BAZ2B: variants seen among roughly 807,000 people sequenced by gnomAD.
BAZ2B encodes bromodomain adjacent to zinc finger domain protein 2B.
Under a neutral mutation model 246.0 loss-of-function variants are expected in BAZ2B, and 91 were observed. The ratio of observed to expected loss-of-function variants is 0.37; its 90% CI spans 0.31 to 0.44. The LOEUF (loss-of-function observed/expected upper bound fraction) is 0.44. Ranked by LOEUF, BAZ2B falls within the 20% of genes least tolerant of loss-of-function variation. BAZ2B has a pLI of 1.00. For synonymous variants in BAZ2B, 855 were observed against 860.0 expected (o/e 0.99, Z 0.10); for missense variants, 2,332 against 2,533.7 (o/e 0.92, Z 1.71).
At chr2:159,601,579 G>A (rs1963848) in intron 1 of BAZ2B, among the ~76,000 whole-genome samples, 54,866 of 151,948 alleles carry the variant, frequency 0.36, 10,094 homozygotes, top group South Asian at 0.46. Context: ...AAATTAGGCA[G>A]GTGTGATGGC....
At chr2:159,431,560 G>C (rs1234853049) in intron 9 of BAZ2B, among the ~76,000 whole-genome samples, 1 of 152,156 alleles carries the variant, frequency 6.6e-6, no homozygotes, top group Non-Finnish European at 1.5e-5. Flanking sequence ...GAAACTACCA[G>C]CATACTTCCA....
chr2:159,423,677 T>C (rs2069202839), intron 13 of BAZ2B, among the ~76,000 whole-genome samples: 1 of 152,246 alleles, frequency 6.6e-6, no homozygotes, highest in African/African-American at 2.4e-5. Context: ...CCAGGAATAC[T>C]ATGCAGCCAT....
intron 1 of BAZ2B, among the ~76,000 whole-genome samples, chr2:159,568,860 C>CA (rs1683256584): frequency 6.6e-6 from 1 of 152,150 alleles, no homozygotes; most frequent in African/African-American, 2.4e-5. Context: ...GAAAAGTTGT[C>CA]AAACTTATAT....
At chr2:159,673,790 G>C in the BAZ2B span, among the ~76,000 whole-genome samples, 4 of 151,780 alleles carry the variant, frequency 2.6e-5, no homozygotes, top group African/African-American at 9.7e-5. Flanking sequence ...TTTTCTGAAA[G>C]AAATAAGAAT....
intron 1 of BAZ2B, among the ~76,000 whole-genome samples, chr2:159,565,967 A>G (rs892556635): frequency 6.6e-6 from 1 of 152,134 alleles, no homozygotes; most frequent in Non-Finnish European, 1.5e-5. Flanking sequence ...AAACAATACT[A>G]TTTGGTAATA....
rs1228761321 is a variant in BAZ2B, at chr2:159,572,675, C to A, written c.-45-16810G>T. ...CTAGATTTTTGCTGTTCTTGCAATT[C>A]ATTTGTATTGAATTTTTCCATATAG... On this transcript the variant is annotated intron_variant, in intron 1 of 36. Transcript: ENST00000392783. 5.3e-5 allele frequency among the ~76,000 whole-genome samples: 8 copies of A among 152,118 alleles called. No individual in the cohort carries two copies. The East Asian group carries it at 1.5e-3, about 29-fold the overall frequency.
intron 16 of BAZ2B, among the ~76,000 whole-genome samples, chr2:159,401,312 T>C (rs956377225): frequency 5.3e-5 from 8 of 152,220 alleles, no homozygotes; most frequent in Non-Finnish European, 8.8e-5. Flanking sequence ...AAAAATCATG[T>C]ATCAGCAGTC....
intron 2 of BAZ2B, among the ~76,000 whole-genome samples, chr2:159,543,879 T>C (rs1050292491): frequency 2.0e-5 from 3 of 152,246 alleles, no homozygotes; most frequent in Non-Finnish European, 2.9e-5. Context: ...CACATTTCTT[T>C]GTCTTATATT....
At chr2:159,447,033 T>C in intron 5 of BAZ2B, 58 bp from the exon 6 acceptor site, 3 of 1,269,252 alleles carry the variant, frequency 2.4e-6, no homozygotes, top group Non-Finnish European at 2.1e-6. Flanking sequence ...CATTTAAAAA[T>C]GAAGTACAGA....
At chr2:159,418,255 A>T (rs1040935392) in intron 13 of BAZ2B, among the ~76,000 whole-genome samples, 5 of 152,176 alleles carry the variant, frequency 3.3e-5, no homozygotes, top group African/African-American at 4.8e-5. Context: ...GTTCTTAAAT[A>T]TTTTCTGTAT....
chr2:159,626,636 C>A, the BAZ2B span, among the ~76,000 whole-genome samples: 1 of 152,116 alleles, frequency 6.6e-6, no homozygotes, highest in African/African-American at 2.4e-5. Context: ...AAAGACACAA[C>A]GTCCCAGAAT....
intron 36 of BAZ2B, among the ~76,000 whole-genome samples, chr2:159,323,803 A>C (rs1203713495): frequency 3.4e-5 from 5 of 147,738 alleles, no homozygotes; most frequent in South Asian, 2.1e-4. Context: ...AACTCTCTCA[A>C]AAAAAAAAAA....
intron 2 of BAZ2B, among the ~76,000 whole-genome samples, chr2:159,549,449 G>C (rs1013185028): frequency 3.3e-5 from 5 of 152,050 alleles, no homozygotes; most frequent in African/African-American, 1.2e-4. Flanking sequence ...TTGATCCCCT[G>C]TGCTAGACAG....
the BAZ2B span, among the ~76,000 whole-genome samples, chr2:159,661,281 T>C: frequency 6.6e-6 from 1 of 152,368 alleles, no homozygotes; most frequent in East Asian, 1.9e-4. Context: ...TTCATCTTTC[T>C]ATATGGCTGA....
chr2:159,574,172 C>G lies in BAZ2B; in HGVS notation c.-45-18307G>C, dbSNP rs558273066. ...ACACACACACACACACACACACACA[C>G]AGCACAATTTTAAAATGGGCAAAGG... is the stretch of plus-strand genomic sequence containing the variant. On this transcript the variant is annotated intron_variant, in intron 1 of 36. Coordinates refer to ENST00000392783, the MANE Select transcript of BAZ2B (RefSeq NM_013450.4). Among the ~76,000 whole-genome samples the G allele has an allele frequency of 1.8e-3, 262 of 143,864 alleles. 5 individuals carry two copies. Among genetic ancestry groups the G allele is most frequent in the Middle Eastern group, 3.6e-3 (1 of 278 alleles). The allele number at this position is 143,864 out of a possible 152,430, so 94.4% of individuals were successfully genotyped here.
At chr2:159,470,598 G>A (rs2077661202) in intron 3 of BAZ2B, among the ~76,000 whole-genome samples, 1 of 152,226 alleles carries the variant, frequency 6.6e-6, no homozygotes, top group Non-Finnish European at 1.5e-5. Flanking sequence ...ATATAGACGA[G>A]AGATTTTAGT....
intron 8 of BAZ2B, chr2:159,438,064 A>C: frequency 2.4e-6 from 1 of 409,118 alleles, no homozygotes; most frequent in Non-Finnish European, 4.3e-6. Flanking sequence ...TACCTTAGGC[A>C]TGGGTTGCAG....
chr2:159,427,922 C>T lies in BAZ2B; in HGVS notation c.2466+19G>A, dbSNP rs758985920. 6.2e-7 allele frequency: 1 copy of T among 1,602,488 alleles called. No individual in the cohort carries two copies. Among genetic ancestry groups the T allele is most frequent in the East Asian group, 2.2e-5 (1 of 44,738 alleles). On this transcript the variant is annotated intron_variant, in intron 13 of 36. Transcript: ENST00000392783. ...ACTACTTTTTGGTTCAAAGACTATACTTTTTAAAAAGTGGATACCTGCGGT... is the reference window on the plus strand; with the variant it reads ...ACTACTTTTTGGTTCAAAGACTATATTTTTTAAAAAGTGGATACCTGCGGT...
chr2:159,378,362 T>C (rs1217798837), intron 25 of BAZ2B, among the ~76,000 whole-genome samples: 1 of 152,198 alleles, frequency 6.6e-6, no homozygotes, highest in East Asian at 1.9e-4. Flanking sequence ...ATTTTCAGAT[T>C]GGTACTCTTA....
Sources: gnomAD v4.1 joint callset for allele counts (sites outside exome capture counted in the v4.1 genomes callset) on GRCh38, gnomAD v4.1.1 for gene constraint, MANE v1.5 for transcripts, NCBI Gene and HGNC (gene_info 2026-07-23, HGNC 2026-07-21) for gene names.